The following SGCD variants were observed in gnomAD, a reference collection of about 807,000 sequenced individuals.
SGCD encodes the protein delta-sarcoglycan.
SGCD carries 18 observed loss-of-function variants against 36.6 expected under a neutral mutation model. That is an observed-to-expected ratio of 0.49 (90% CI 0.34 to 0.73). The LOEUF is 0.73. Among genes scored for constraint, SGCD ranks in the 30% least tolerant of loss-of-function variants. The pLI, the probability that SGCD is intolerant of heterozygous loss-of-function variation, is 0.01. For synonymous variants in SGCD, 133 were observed against 130.6 expected (o/e 1.02, Z -0.12); for missense variants, 387 against 346.7 (o/e 1.12, Z -0.92).
At chr5:155,893,853 C>T (rs767847730) in intron 1 of SGCD, among the ~76,000 whole-genome samples, 7 of 152,200 alleles carry the variant, frequency 4.6e-5, no homozygotes, top group Non-Finnish European at 8.8e-5. Context: ...CTATTACATG[C>T]GTAGGCAATA....
At chr5:156,360,901 G>A (rs1376138910) in intron 3 of SGCD, among the ~76,000 whole-genome samples, 1 of 152,088 alleles carries the variant, frequency 6.6e-6, no homozygotes, top group Non-Finnish European at 1.5e-5. Context: ...CGCCCACCAA[G>A]AGTAGGTACC....
Position 155,905,510 on chromosome 5 carries a change from A to G in SGCD, c.-282+35086A>G, listed in dbSNP as rs57329934. ...TACCCTGACTGAGCCTGGCACTGTGAAGCATGCAGCTAAGTTCTCACGTGC... is the reference window on the plus strand; with the variant it reads ...TACCCTGACTGAGCCTGGCACTGTGGAGCATGCAGCTAAGTTCTCACGTGC... On this transcript the variant is annotated intron_variant, in intron 1 of 9. Coordinates refer to the SGCD transcript ENST00000517913. 9.0e-3 allele frequency among the ~76,000 whole-genome samples: 1,368 copies of G among 152,210 alleles called. 24 individuals carry two copies. Among genetic ancestry groups the G allele is most frequent in the African/African-American group, 0.031 (1,267 of 41,532 alleles).
At chr5:156,004,476 C>T (rs528260785) in intron 1 of SGCD, among the ~76,000 whole-genome samples, 2 of 152,186 alleles carry the variant, frequency 1.3e-5, no homozygotes, top group African/African-American at 2.4e-5. Context: ...GCTAACAACC[C>T]GTAAGGTTAG....
At chr5:156,492,012 T>A (rs1755968502) in intron 3 of SGCD, among the ~76,000 whole-genome samples, 4 of 152,096 alleles carry the variant, frequency 2.6e-5, no homozygotes, top group Admixed American at 2.6e-4. Flanking sequence ...TGTCAGTCTG[T>A]GACAATGATG....
At chr5:155,936,870 G>A (rs1757215372) in intron 1 of SGCD, among the ~76,000 whole-genome samples, 1 of 152,226 alleles carries the variant, frequency 6.6e-6, no homozygotes, top group Non-Finnish European at 1.5e-5. Flanking sequence ...ATGCTCCTTG[G>A]TGGCTAAATT....
chr5:156,281,717 T>C (rs939125329), intron 3 of SGCD, among the ~76,000 whole-genome samples: 1 of 152,148 alleles, frequency 6.6e-6, no homozygotes, highest in Non-Finnish European at 1.5e-5. Flanking sequence ...TAGGATGATA[T>C]GGAGTGTGTA....
chr5:156,322,590 A>G (rs778085343), upstream of SGCD, among the ~76,000 whole-genome samples: 25 of 152,206 alleles, frequency 1.6e-4, no homozygotes, highest in Admixed American at 1.2e-3. Flanking sequence ...TCAGGGAGAA[A>G]TAAATTCTAG....
intron 3 of SGCD, among the ~76,000 whole-genome samples, chr5:156,359,577 G>A (rs746461239): frequency 3.3e-5 from 5 of 152,154 alleles, no homozygotes; most frequent in Non-Finnish European, 1.5e-5. Flanking sequence ...ATTTCTAACA[G>A]CTGTTGCACA....
chr5:155,883,807 A>AG lies in SGCD; in HGVS notation c.-282+13383_-282+13384insG, dbSNP rs1755941460. On this transcript the variant is annotated intron_variant, in intron 1 of 9. Transcript: ENST00000517913. ...CCTTCAATTTGCAAAAAAAAAAAAAAAAAAAAAGAAAAGCACTATTTTGGA... is the reference window on the plus strand; with the variant it reads ...CCTTCAATTTGCAAAAAAAAAAAAAAGAAAAAAAGAAAAGCACTATTTTGGA... Among the ~76,000 whole-genome samples, 3 of 151,602 alleles carry AG rather than the reference A, an allele frequency of 2.0e-5. No homozygotes were observed. In the South Asian group the frequency reaches 6.3e-4, roughly 32 times the overall value.
At chr5:156,654,784 T>A (rs1048471619) in intron 7 of SGCD, among the ~76,000 whole-genome samples, 1 of 152,182 alleles carries the variant, frequency 6.6e-6, no homozygotes, top group African/African-American at 2.4e-5. Context: ...AAAAGAGTTA[T>A]AAAATTTATA....
chr5:156,153,893 A>G (rs2311449), intron 3 of SGCD, among the ~76,000 whole-genome samples: 41,542 of 151,416 alleles, frequency 0.27, 6,561 homozygotes, highest in East Asian at 0.59. Flanking sequence ...TTTGAGAATG[A>G]CTGCTTTCAA....
At chr5:156,374,582 G>A (rs972360733) in intron 3 of SGCD, among the ~76,000 whole-genome samples, 4 of 151,680 alleles carry the variant, frequency 2.6e-5, no homozygotes, top group African/African-American at 9.7e-5. Flanking sequence ...AAAAAACAAA[G>A]CAAATTTGAA....
rs543428843 is a variant in SGCD at position 156,254,486 on chromosome 5, A to G, written c.-43-75048A>G. Among the ~76,000 whole-genome samples the G allele has an allele frequency of 1.1e-4, 16 of 152,306 alleles. No individual in the cohort carries two copies. In the South Asian group the frequency reaches 3.1e-3, roughly 30 times the overall value. On this transcript the variant is annotated intron_variant, in intron 3 of 9. Transcript: ENST00000517913. ...AAATTGTGTGGATTTTTTCCTGTAT[A>G]TGAGTGTTACATTGTGTCATTTTTT...
chr5:156,564,383 G>C (rs544158171), intron 4 of SGCD, among the ~76,000 whole-genome samples: 1 of 152,306 alleles, frequency 6.6e-6, no homozygotes, highest in South Asian at 2.1e-4. Context: ...CCGGGAGGCG[G>C]AGCTTGCAGT....
chr5:156,622,899 C>A (rs764770544), intron 6 of SGCD, among the ~76,000 whole-genome samples: 7 of 152,064 alleles, frequency 4.6e-5, no homozygotes, highest in Non-Finnish European at 4.4e-5. Context: ...TAATCAGCTT[C>A]AGGGGAGAAT....
At chr5:156,461,051 T>C (rs1167754206) in intron 3 of SGCD, among the ~76,000 whole-genome samples, 17 of 152,170 alleles carry the variant, frequency 1.1e-4, no homozygotes, top group Admixed American at 1.1e-3. Context: ...GGGCATACTT[T>C]AGAAGCTGCT....
the SGCD span, among the ~76,000 whole-genome samples, chr5:155,845,949 G>A: frequency 3.9e-5 from 6 of 152,116 alleles, no homozygotes; most frequent in Non-Finnish European, 5.9e-5. Flanking sequence ...CATGTACTTT[G>A]TTCTGGATAG....
chr5:156,626,952 C>T (rs1478498852), intron 6 of SGCD, among the ~76,000 whole-genome samples: 1 of 152,188 alleles, frequency 6.6e-6, no homozygotes, highest in South Asian at 2.1e-4. Context: ...TAGACCACTA[C>T]AGTAACAGAG....
intron 3 of SGCD, among the ~76,000 whole-genome samples, chr5:156,346,848 A>C (rs1768977341): frequency 6.6e-6 from 1 of 151,632 alleles, no homozygotes; most frequent in Non-Finnish European, 1.5e-5. Flanking sequence ...CCCAGGCTAG[A>C]GTGCAGTGGC....
Sources: allele counts gnomAD v4.1 joint callset (sites outside exome capture counted in the v4.1 genomes callset), GRCh38; gene constraint gnomAD v4.1.1; transcripts MANE v1.5; gene names NCBI Gene and HGNC (gene_info 2026-07-23, HGNC 2026-07-21).